The following GFRA2 variants were observed in gnomAD, a reference collection of about 807,000 sequenced individuals.
The protein encoded by GFRA2 is GDNF family receptor alpha 2, also known as GDNF family receptor alpha-2.
A neutral mutation model predicts 48.3 loss-of-function variants in GFRA2; 17 were observed. The observed-to-expected ratio is 0.35, with a 90% CI of 0.24 to 0.53. The LOEUF (loss-of-function observed/expected upper bound fraction) is 0.53, where lower values mean the gene tolerates loss of function less well. Among genes scored for constraint, GFRA2 ranks in the 20% least tolerant of loss-of-function variants. The pLI is 0.93. For synonymous variants in GFRA2, 305 were observed against 257.2 expected, an observed-to-expected ratio of 1.19 and a Z score of -1.78; for missense variants, 660 against 637.3, an observed-to-expected ratio of 1.04 and a Z score of -0.38.
At chr8:21,794,798 G>A (rs1182616664) in intron 2 of GFRA2, among the ~76,000 whole-genome samples, 2 of 152,112 alleles carry the variant, frequency 1.3e-5, no homozygotes, top group Non-Finnish European at 1.5e-5. Context: ...AGCCTGGAAG[G>A]AGCACACTAG....
At chr8:21,726,524 C>T (rs1040119424) in intron 4 of GFRA2, among the ~76,000 whole-genome samples, 1 of 152,152 alleles carries the variant, frequency 6.6e-6, no homozygotes, top group African/African-American at 2.4e-5. Flanking sequence ...GCCTTGCCTC[C>T]TCTGAAGGCT....
At chr8:21,809,685 C>G (rs1299995803) in intron 1 of GFRA2, among the ~76,000 whole-genome samples, 1 of 152,200 alleles carries the variant, frequency 6.6e-6, no homozygotes, top group Non-Finnish European at 1.5e-5. Context: ...CCCTACCTGG[C>G]CCCTGCATCA....
At chr8:21,799,129 A>T (rs1346992340) in intron 2 of GFRA2, among the ~76,000 whole-genome samples, 1 of 152,134 alleles carries the variant, frequency 6.6e-6, no homozygotes, top group Non-Finnish European at 1.5e-5. Flanking sequence ...CTTGTTTGGG[A>T]GTCACTAGGG....
chr8:21,801,092 C>T (rs1465821903), intron 2 of GFRA2, among the ~76,000 whole-genome samples: 2 of 152,024 alleles, frequency 1.3e-5, no homozygotes, highest in Non-Finnish European at 2.9e-5. Flanking sequence ...CTCATTAAAA[C>T]AAATCCCTGC....
intron 7 of GFRA2, among the ~76,000 whole-genome samples, chr8:21,695,695 A>G: frequency 6.6e-6 from 1 of 151,424 alleles, no homozygotes; most frequent in South Asian, 2.1e-4. Context: ...CCTGGACTCC[A>G]CTCCCCAGGA....
At chr8:21,739,314 C>T (rs557204174) in intron 4 of GFRA2, among the ~76,000 whole-genome samples, 1 of 152,322 alleles carries the variant, frequency 6.6e-6, no homozygotes, top group Non-Finnish European at 1.5e-5. Flanking sequence ...CCTGACACTC[C>T]TCTAATGCTG....
chr8:21,755,561 G>C (rs1453879390), intron 3 of GFRA2, among the ~76,000 whole-genome samples: 1 of 152,088 alleles, frequency 6.6e-6, no homozygotes, highest in East Asian at 1.9e-4. Flanking sequence ...AGGGACGGAG[G>C]AGCAGCCCAT....
intron 6 of GFRA2, among the ~76,000 whole-genome samples, chr8:21,704,735 C>T (rs73669515): frequency 3.6e-4 from 55 of 152,332 alleles, no homozygotes; most frequent in African/African-American, 1.3e-3. Context: ...GTCCCAATAA[C>T]AAACCAGACC....
Position 21,788,430 on chromosome 8 carries a change from T to C in GFRA2, c.-271A>G. The C allele has an allele frequency of 8.1e-7, 1 of 1,235,348 alleles. No homozygotes were observed. Among genetic ancestry groups the C allele is most frequent in the South Asian group, 2.4e-5 (1 of 40,834 alleles). 76.5% of individuals were successfully genotyped at this position (1,235,348 alleles called of 1,614,324 possible). ...TATACGCGTATCTGTGTATCGGCTT[T>C]CTAAGCCAACAGCCCAGTCCTGGGG... is the stretch of plus-strand genomic sequence containing the variant. On this transcript the variant is annotated 5_prime_UTR_variant, in exon 1 of 9. Coordinates refer to ENST00000524240, the MANE Select transcript of GFRA2 (RefSeq NM_001495.5).
chr8:21,692,274 G>A lies in GFRA2; in HGVS notation c.*1004C>T, dbSNP rs895061824. The A allele has an allele frequency of 1.3e-5, 2 of 152,330 alleles. No homozygotes were observed. Among genetic ancestry groups the A allele is most frequent in the Non-Finnish European group, 2.9e-5 (2 of 68,022 alleles). The allele number at this position is 152,330 out of a possible 1,614,324, so 9.4% of individuals were successfully genotyped here. Reference sequence around the variant, plus strand: ...AACCACACAATATATGTATATGGATGTGTATATACATATATGTTAGGAGAG... The same window carrying A: ...AACCACACAATATATGTATATGGATATGTATATACATATATGTTAGGAGAG... On this transcript the variant is annotated 3_prime_UTR_variant, in exon 9 of 9. Coordinates refer to ENST00000524240, the MANE Select transcript of GFRA2 (RefSeq NM_001495.5).
At chr8:21,695,152 G>C (rs1236493384) in intron 7 of GFRA2, among the ~76,000 whole-genome samples, 1 of 152,192 alleles carries the variant, frequency 6.6e-6, no homozygotes, top group African/African-American at 2.4e-5. Flanking sequence ...AACACTGTGG[G>C]CAAGGTGAGG....
intron 4 of GFRA2, among the ~76,000 whole-genome samples, chr8:21,721,608 C>G (rs1276320546): frequency 6.6e-6 from 1 of 152,224 alleles, no homozygotes; most frequent in African/African-American, 2.4e-5. Flanking sequence ...GAAACCAAAC[C>G]ACCCTATGCA....
At chr8:21,796,537 T>C (rs1236170384) in intron 2 of GFRA2, among the ~76,000 whole-genome samples, 1 of 152,264 alleles carries the variant, frequency 6.6e-6, no homozygotes, top group Admixed American at 6.5e-5. Context: ...CAAGGGGCTG[T>C]GGCCAGAAAA....
chr8:21,710,745 G>T (rs71513834), intron 4 of GFRA2, among the ~76,000 whole-genome samples: 1 of 152,224 alleles, frequency 6.6e-6, no homozygotes, highest in Non-Finnish European at 1.5e-5. Context: ...GCAAACGGAG[G>T]GGGAGAACAC....
chr8:21,788,573 G>A lies in GFRA2; in HGVS notation c.-414C>T, dbSNP rs1807404125. On this transcript the variant is annotated 5_prime_UTR_variant, in exon 1 of 9. Transcript: ENST00000524240. ...AGAGGCGATTTGCGAGTGAAGGGCT[G>A]GAAGGAAGCGGCGAGGGAGGGGGTC... 1.0e-6 allele frequency: 1 copy of A among 1,004,606 alleles called. No individual in the cohort carries two copies. Among genetic ancestry groups the A allele is most frequent in the Non-Finnish European group, 1.2e-6 (1 of 843,182 alleles). 62.2% of individuals were successfully genotyped at this position (1,004,606 alleles called of 1,614,324 possible).
At chr8:21,741,038 C>G (rs897698008) in intron 4 of GFRA2, among the ~76,000 whole-genome samples, 1 of 152,248 alleles carries the variant, frequency 6.6e-6, no homozygotes, top group African/African-American at 2.4e-5. Context: ...GGCCTCTCTG[C>G]AGTCGTTCTC....
intron 3 of GFRA2, among the ~76,000 whole-genome samples, chr8:21,763,384 C>A (rs1431494647): frequency 6.6e-6 from 1 of 152,114 alleles, no homozygotes; most frequent in Admixed American, 6.5e-5. Flanking sequence ...GCTGCCCCTA[C>A]TCCCCTGGAG....
At chr8:21,713,427 C>T (rs1442594764) in intron 4 of GFRA2, among the ~76,000 whole-genome samples, 1 of 152,020 alleles carries the variant, frequency 6.6e-6, no homozygotes, top group Non-Finnish European at 1.5e-5. Context: ...AACTCCTGAC[C>T]TCAAGTGATC....
chr8:21,785,104 C>T lies in GFRA2; in HGVS notation c.41-2205G>A, dbSNP rs1008807655. Among the ~76,000 whole-genome samples, 21 of 152,340 alleles carry T rather than the reference C, an allele frequency of 1.4e-4. No individual in the cohort carries two copies. In the East Asian group the frequency reaches 2.7e-3, roughly 20 times the overall value. On this transcript the variant is annotated intron_variant, in intron 1 of 8. Coordinates refer to ENST00000524240, the MANE Select transcript of GFRA2 (RefSeq NM_001495.5). ...TCATGGGGGCCTGGAAATGGAACTT[C>T]CTGGCTTCCTTAGCCTTCTGTAGGC...
Sources: gnomAD v4.1 joint callset for allele counts (sites outside exome capture counted in the v4.1 genomes callset) on GRCh38, gnomAD v4.1.1 for gene constraint, MANE v1.5 for transcripts, NCBI Gene and HGNC (gene_info 2026-07-23, HGNC 2026-07-21) for gene names.